Variants in LRMDA observed in about 807,000 individuals in gnomAD.
LRMDA encodes the protein leucine-rich melanocyte differentiation-associated protein.
LRMDA carries 18 observed loss-of-function variants against 29.8 expected under a neutral mutation model. That is an observed-to-expected ratio of 0.60 (90% CI 0.42 to 0.90). The LOEUF (loss-of-function observed/expected upper bound fraction) is 0.90. Ranked by LOEUF, LRMDA falls within the 40% of genes least tolerant of loss-of-function variation. The pLI, the probability that LRMDA is intolerant of heterozygous loss-of-function variation, is 0.00. For synonymous variants in LRMDA, 125 were observed against 109.4 expected (o/e 1.14, Z -0.89); for missense variants, 273 against 273.9 (o/e 1.00, Z 0.02).
chr10:75,695,904 C>T (rs1842228213), intron 2 of LRMDA, among the ~76,000 whole-genome samples: 1 of 152,078 alleles, frequency 6.6e-6, no homozygotes, highest in African/African-American at 2.4e-5. Flanking sequence ...TTACTTTTTG[C>T]AGGAGAACCC....
intron 2 of LRMDA, among the ~76,000 whole-genome samples, chr10:75,830,237 T>G (rs1320272214): frequency 2.0e-5 from 3 of 152,204 alleles, no homozygotes; most frequent in African/African-American, 4.8e-5. Context: ...GAGGTAGAGA[T>G]GGTCATTTCG....
chr10:75,565,649 G>A (rs926071929), intron 2 of LRMDA, among the ~76,000 whole-genome samples: 3 of 152,346 alleles, frequency 2.0e-5, no homozygotes, highest in Non-Finnish European at 4.4e-5. Flanking sequence ...GGGCTAACAA[G>A]TGGCATATTT....
At chr10:76,205,370 A>G (rs1851515221) in intron 5 of LRMDA, among the ~76,000 whole-genome samples, 1 of 152,112 alleles carries the variant, frequency 6.6e-6, no homozygotes, top group South Asian at 2.1e-4. Context: ...ACCCCAGGCA[A>G]TTTTGTTTGA....
At chr10:75,432,040 A>G (rs550277829) in intron 1 of LRMDA, among the ~76,000 whole-genome samples, 3 of 152,196 alleles carry the variant, frequency 2.0e-5, no homozygotes, top group Non-Finnish European at 4.4e-5. Context: ...CAGCGGACAC[A>G]GTGCTGACGG....
chr10:75,545,971 G>A (rs1840076980), intron 2 of LRMDA, among the ~76,000 whole-genome samples: 1 of 152,142 alleles, frequency 6.6e-6, no homozygotes, highest in East Asian at 1.9e-4. Flanking sequence ...CTGTTATGAT[G>A]GTTATCCAAA....
intron 2 of LRMDA, among the ~76,000 whole-genome samples, chr10:75,673,687 G>A (rs1453848858): frequency 6.6e-6 from 1 of 152,214 alleles, no homozygotes. Flanking sequence ...AACAAATTGG[G>A]TGTAGAATAT....
chr10:75,653,397 C>G (rs1335042770), intron 2 of LRMDA, among the ~76,000 whole-genome samples: 1 of 152,184 alleles, frequency 6.6e-6, no homozygotes. Flanking sequence ...TCAAAATTTT[C>G]AGTTCCTGTC....
At chr10:76,427,030 G>T (rs1301006200) in intron 6 of LRMDA, among the ~76,000 whole-genome samples, 2 of 152,184 alleles carry the variant, frequency 1.3e-5, no homozygotes, top group African/African-American at 4.8e-5. Context: ...TTTGAAGTCA[G>T]GTAGCCTGAT....
chr10:76,450,379 CATT>C (rs779208207), intron 6 of LRMDA, among the ~76,000 whole-genome samples: 3 of 151,994 alleles, frequency 2.0e-5, no homozygotes, highest in Non-Finnish European at 2.9e-5. Flanking sequence ...TTAAATTTAT[CATT>C]GAGATTTAAA....
At chr10:76,319,610 A>G (rs183826884) in intron 5 of LRMDA, among the ~76,000 whole-genome samples, 3 of 152,268 alleles carry the variant, frequency 2.0e-5, no homozygotes, top group African/African-American at 7.2e-5. Context: ...GGCATATAGT[A>G]GGTGGTTATT....
intron 2 of LRMDA, among the ~76,000 whole-genome samples, chr10:75,907,178 C>T (rs2132372516): frequency 6.6e-6 from 1 of 151,972 alleles, no homozygotes; most frequent in Non-Finnish European, 1.5e-5. Context: ...TAGAAGTGCA[C>T]ATATTGGGAA....
intron 5 of LRMDA, among the ~76,000 whole-genome samples, chr10:76,063,395 TG>T (rs1289575256): frequency 2.0e-5 from 3 of 152,244 alleles, no homozygotes; most frequent in African/African-American, 7.2e-5. Context: ...ATGCATGTTC[TG>T]GGAGGTATGT....
rs539834909 is a variant in LRMDA, at chr10:75,848,115, T to C, written c.132-187893T>C. ...TCTGGAAGGGACAATTTCTCACTTA[T>C]GTTCATTGCAGCATTATTAACAATA... On this transcript the variant is annotated intron_variant, in intron 2 of 6. Coordinates refer to ENST00000611255, the MANE Select transcript of LRMDA (RefSeq NM_001305581.2). Among the ~76,000 whole-genome samples, 16 of 152,332 alleles carry C rather than the reference T, an allele frequency of 1.1e-4. No homozygotes were observed. In the East Asian group the frequency reaches 2.3e-3, roughly 22 times the overall value.
At chr10:75,936,324 G>A (rs1274324909) in intron 2 of LRMDA, among the ~76,000 whole-genome samples, 1 of 152,138 alleles carries the variant, frequency 6.6e-6, no homozygotes, top group African/African-American at 2.4e-5. Context: ...TGGACAATTT[G>A]CTTTACTTCT....
chr10:75,687,954 A>T (rs1454013311), intron 2 of LRMDA, among the ~76,000 whole-genome samples: 1 of 152,196 alleles, frequency 6.6e-6, no homozygotes, highest in African/African-American at 2.4e-5. Flanking sequence ...TGGTTTACTG[A>T]ATATTTTAAG....
intron 5 of LRMDA, among the ~76,000 whole-genome samples, chr10:76,282,018 A>G (rs1431937499): frequency 6.6e-6 from 1 of 152,192 alleles, no homozygotes; most frequent in African/African-American, 2.4e-5. Context: ...AGAAATGCAT[A>G]TATATGGCAA....
intron 5 of LRMDA, among the ~76,000 whole-genome samples, chr10:76,097,795 T>C (rs1849337639): frequency 6.6e-6 from 1 of 152,186 alleles, no homozygotes; most frequent in Non-Finnish European, 1.5e-5. Flanking sequence ...TTTTTAATAT[T>C]AATATATTGC....
chr10:76,161,614 A>G (rs1323866711), intron 5 of LRMDA, among the ~76,000 whole-genome samples: 1 of 152,226 alleles, frequency 6.6e-6, no homozygotes, highest in Non-Finnish European at 1.5e-5. Flanking sequence ...TATTAGAAAG[A>G]CACAGCCCAA....
At chr10:76,013,267 A>T (rs1282951324) in intron 2 of LRMDA, among the ~76,000 whole-genome samples, 1 of 151,610 alleles carries the variant, frequency 6.6e-6, no homozygotes, top group African/African-American at 2.4e-5. Flanking sequence ...CCCCAGGCCT[A>T]GTCCCAATTA....
Sources: allele counts gnomAD v4.1 joint callset (sites outside exome capture counted in the v4.1 genomes callset), GRCh38; gene constraint gnomAD v4.1.1; transcripts MANE v1.5; gene names NCBI Gene and HGNC (gene_info 2026-07-23, HGNC 2026-07-21).